C12orf56: variants seen among roughly 807,000 people sequenced by gnomAD.
The protein encoded by C12orf56 is chromosome 12 open reading frame 56.
A neutral mutation model predicts 69.9 loss-of-function variants in C12orf56; 71 were observed. The ratio of observed to expected loss-of-function variants is 1.02; its 90% CI spans 0.84 to 1.24. The LOEUF (loss-of-function observed/expected upper bound fraction) is 1.24, where lower values mean the gene tolerates loss of function less well. Among genes scored for constraint, C12orf56 ranks in the 50% most tolerant of loss-of-function variants. C12orf56 has a pLI of 0.00. For synonymous variants in C12orf56, 276 were observed against 274.1 expected (o/e 1.01, Z -0.07); for missense variants, 732 against 738.5 (o/e 0.99, Z 0.10).
At chr12:64,381,539 T>G (rs1004308102) in intron 1 of C12orf56, among the ~76,000 whole-genome samples, 1 of 152,216 alleles carries the variant, frequency 6.6e-6, no homozygotes, top group Admixed American at 6.5e-5. Flanking sequence ...TAAACTAAGT[T>G]CCTCCAAAAG....
chr12:64,270,994 C>T (rs1035816787), intron 11 of C12orf56, among the ~76,000 whole-genome samples: 1 of 152,036 alleles, frequency 6.6e-6, no homozygotes, highest in Non-Finnish European at 1.5e-5. Context: ...GGTGGAACCC[C>T]GTCTCTACTA....
At chr12:64,380,704 T>C (rs2039708633) in intron 1 of C12orf56, among the ~76,000 whole-genome samples, 1 of 152,108 alleles carries the variant, frequency 6.6e-6, no homozygotes, top group Non-Finnish European at 1.5e-5. Flanking sequence ...AAATATGACT[T>C]ACACAAAAGA....
chr12:64,390,731 G>A lies in C12orf56; in HGVS notation c.-166C>T, dbSNP rs1325982197. On this transcript the variant is annotated 5_prime_UTR_variant, in exon 1 of 13. Transcript: ENST00000543942. ...AACTGCAGGAATCGACGCTAGGTCG[G>A]CTTCCCTGGAGCGCCCTCCCCAGCC... 6.8e-6 allele frequency: 7 copies of A among 1,036,724 alleles called. No individual in the cohort carries two copies. The East Asian group carries it at 1.9e-4, about 28-fold the overall frequency. The allele number at this position is 1,036,724 out of a possible 1,614,324, so 64.2% of individuals were successfully genotyped here. A position where few individuals can be genotyped will look rare whatever the true frequency, so the allele number is the denominator to read the frequency against.
rs149467727 is a variant in C12orf56, at chr12:64,287,258, A to G, written c.1114-1198T>C. Among the ~76,000 whole-genome samples the G allele has an allele frequency of 7.0e-4, 92 of 132,278 alleles. 1 individual carries two copies. Among genetic ancestry groups the G allele is most frequent in the East Asian group, 4.1e-3 (18 of 4,416 alleles). 86.8% of individuals were successfully genotyped at this position (132,278 alleles called of 152,430 possible). A position where few individuals can be genotyped will look rare whatever the true frequency, so the allele number is the denominator to read the frequency against. ...GAGACTCCATCAAAAAAAAAAAAAA[A>G]AAAAAGAAGAAGAAGAAGAAGAAGA... On this transcript the variant is annotated intron_variant, in intron 6 of 12. Coordinates refer to ENST00000543942, the MANE Select transcript of C12orf56 (RefSeq NM_001170633.2).
intron 1 of C12orf56, among the ~76,000 whole-genome samples, chr12:64,377,040 T>G (rs1036186719): frequency 3.9e-5 from 6 of 152,168 alleles, no homozygotes; most frequent in Non-Finnish European, 8.8e-5. Context: ...TTTTGACTTT[T>G]TAATAATCAC....
intron 1 of C12orf56, among the ~76,000 whole-genome samples, chr12:64,361,184 A>C (rs921727169): frequency 1.3e-5 from 2 of 152,146 alleles, no homozygotes; most frequent in Non-Finnish European, 2.9e-5. Context: ...GCGCCACTGC[A>C]CTCCAGCCTG....
At chr12:64,323,253 C>T (rs1199900131) in intron 3 of C12orf56, among the ~76,000 whole-genome samples, 1 of 152,146 alleles carries the variant, frequency 6.6e-6, no homozygotes, top group South Asian at 2.1e-4. Flanking sequence ...TCCGTTCTTA[C>T]CATTCCTACG....
intron 6 of C12orf56, among the ~76,000 whole-genome samples, chr12:64,299,125 A>G (rs1239229337): frequency 6.6e-6 from 1 of 151,938 alleles, no homozygotes; most frequent in Non-Finnish European, 1.5e-5. Flanking sequence ...ATTCCTAGGT[A>G]TTTTATTCTC....
chr12:64,279,977 G>T (rs1355911591), intron 8 of C12orf56, among the ~76,000 whole-genome samples: 1 of 151,940 alleles, frequency 6.6e-6, no homozygotes, highest in African/African-American at 2.4e-5. Context: ...CAAAGAAAAA[G>T]AACTCTCAAA....
intron 1 of C12orf56, among the ~76,000 whole-genome samples, chr12:64,357,186 G>A (rs574248148): frequency 3.1e-4 from 47 of 151,596 alleles, no homozygotes; most frequent in Middle Eastern, 7.0e-3. Context: ...ATTTACTACT[G>A]TTTCACGGGA....
Position 64,270,704 on chromosome 12 carries a change from AC to A in C12orf56, c.1594del (p.Val532TrpfsTer5). 1 of 1,605,722 alleles carries A rather than the reference AC, an allele frequency of 6.2e-7. No homozygotes were observed. On this transcript the variant is annotated frameshift_variant, in exon 12 of 13. Transcript: ENST00000543942. LOFTEE classifies it high-confidence loss of function. ...CACCACTTGTTTCACAATACTGGCC[AC>A]AAAAGTAATCTAGACAAGGAAAATA... ...LQSCPPIITF[V>X]ASIVKQVVRG... is the part of the protein sequence containing the mutation.
intron 6 of C12orf56, among the ~76,000 whole-genome samples, chr12:64,301,723 C>T (rs997659757): frequency 6.6e-6 from 1 of 152,092 alleles, no homozygotes; most frequent in Non-Finnish European, 1.5e-5. Flanking sequence ...TTTCCCAGTT[C>T]ATCTGTATCT....
At chr12:64,279,050 C>A (rs61498925) in intron 8 of C12orf56, among the ~76,000 whole-genome samples, 3 of 152,032 alleles carry the variant, frequency 2.0e-5, no homozygotes, top group African/African-American at 7.3e-5. Context: ...TTCTTGGTTT[C>A]TGTTAATAAT....
At chr12:64,357,142 T>G (rs1414154719) in intron 1 of C12orf56, among the ~76,000 whole-genome samples, 1 of 151,926 alleles carries the variant, frequency 6.6e-6, no homozygotes, top group African/African-American at 2.4e-5. Context: ...GTCTTTCAAC[T>G]TATGAAAAGA....
chr12:64,266,741 C>A lies in C12orf56; in HGVS notation c.*442G>T. ...AGAACTTGAATGCCCATGCCTCAGG[C>A]CCCCACACTCCCCGGCATCCTATTG... On this transcript the variant is annotated 3_prime_UTR_variant, in exon 13 of 13. Coordinates refer to ENST00000543942, the MANE Select transcript of C12orf56 (RefSeq NM_001170633.2). 1 of 350,784 alleles carries A rather than the reference C, an allele frequency of 2.9e-6. No individual in the cohort carries two copies. Among genetic ancestry groups the A allele is most frequent in the Non-Finnish European group, 5.4e-6 (1 of 186,788 alleles). 21.7% of individuals were successfully genotyped at this position (350,784 alleles called of 1,614,324 possible).
At chr12:64,326,467 C>T (rs761324017) in intron 3 of C12orf56, among the ~76,000 whole-genome samples, 5 of 152,298 alleles carry the variant, frequency 3.3e-5, no homozygotes, top group Non-Finnish European at 4.4e-5. Flanking sequence ...CAGTGGCTCA[C>T]GCCTATAATC....
In C12orf56 at chr12:64,284,754, C is replaced by T. The variant is rs1221773006; in HGVS notation, c.1221-1G>A. On this transcript the variant is annotated splice_acceptor_variant, in intron 7 of 12. Coordinates refer to ENST00000543942, the MANE Select transcript of C12orf56 (RefSeq NM_001170633.2). LOFTEE classifies it high-confidence loss of function. Reference sequence around the variant, plus strand: ...GGTCTGTATAATTTCAATGCATGCCCTAGAAAATAAACGATAAAAGGCAAA... The same window carrying T: ...GGTCTGTATAATTTCAATGCATGCCTTAGAAAATAAACGATAAAAGGCAAA... 1.3e-6 allele frequency: 2 copies of T among 1,582,048 alleles called. No homozygotes were observed. The highest frequency in any genetic ancestry group is 1.7e-6 in the Non-Finnish European group (2 of 1,166,896).
intron 2 of C12orf56, among the ~76,000 whole-genome samples, chr12:64,350,251 C>T (rs1394456358): frequency 1.5e-4 from 23 of 152,072 alleles, no homozygotes. Context: ...AAAGAACTTA[C>T]TCATATAACC....
At chr12:64,367,269 GTTTATATATTATATA>G (rs1373631364) in intron 1 of C12orf56, among the ~76,000 whole-genome samples, 1 of 137,476 alleles carries the variant, frequency 7.3e-6, no homozygotes, top group African/African-American at 2.7e-5. Context: ...ATAATATACA[GTTTATATATTATATA>G]TAATATACAG....
Sources: gnomAD v4.1 joint callset for allele counts (sites outside exome capture counted in the v4.1 genomes callset) on GRCh38, gnomAD v4.1.1 for gene constraint, MANE v1.5 for transcripts, NCBI Gene and HGNC (gene_info 2026-07-23, HGNC 2026-07-21) for gene names.